NFIC: variants seen among roughly 807,000 people sequenced by gnomAD.
NFIC encodes the protein nuclear factor 1 C-type.
A neutral mutation model predicts 54.4 loss-of-function variants in NFIC; 12 were observed. The ratio of observed to expected loss-of-function variants is 0.22; its 90% CI spans 0.14 to 0.36. The LOEUF is 0.36. Among genes scored for constraint, NFIC ranks in the 10% least tolerant of loss-of-function variants. NFIC has a pLI of 1.00. For synonymous variants in NFIC, 322 were observed against 319.2 expected (o/e 1.01, Z -0.09); for missense variants, 575 against 718.2 (o/e 0.80, Z 2.28).
intron 1 of NFIC, among the ~76,000 whole-genome samples, chr19:3,371,904 C>CT (rs2081019196): frequency 1.5e-5 from 1 of 67,852 alleles, no homozygotes; most frequent in African/African-American, 3.8e-5. Flanking sequence ...TCCTTCCTTC[C>CT]TTCCTTCCTT....
rs1210794688 is a variant in NFIC, at chr19:3,466,914, G to A, written c.*4145G>A. On this transcript the variant is annotated 3_prime_UTR_variant, in exon 11 of 11. Transcript: ENST00000443272. This position sits in a 1 kb window ranked among gnomAD's most constrained non-coding sequence, Gnocchi z 4.8. ...CAGGCAGCATGTTGTGGATGGTTTA[G>A]TTCTCCCCGCCTCCCTGTTTCTTGG... 1.3e-5 allele frequency: 2 copies of A among 152,224 alleles called. No individual in the cohort carries two copies. The highest frequency in any genetic ancestry group is 3.9e-4 in the East Asian group (2 of 5,158). The allele number at this position is 152,224 out of a possible 1,614,324, so 9.4% of individuals were successfully genotyped here.
intron 2 of NFIC, among the ~76,000 whole-genome samples, chr19:3,406,147 C>G (rs1599629514): frequency 6.6e-6 from 1 of 152,220 alleles, no homozygotes; most frequent in East Asian, 1.9e-4. Context: ...GGCTGGAGTG[C>G]AATGGCACGA....
rs2082683793 is a variant in NFIC at position 3,464,176 on chromosome 19, C to T, written c.*1407C>T. On this transcript the variant is annotated 3_prime_UTR_variant, in exon 11 of 11. Transcript: ENST00000443272. ...CCGCCGTTTGCACTTTCATCGCCTACCCCGACGCGGGGCCCAGCTGCGGGA... is the reference window on the plus strand; with the variant it reads ...CCGCCGTTTGCACTTTCATCGCCTATCCCGACGCGGGGCCCAGCTGCGGGA... 4 of 985,300 alleles carry T rather than the reference C, an allele frequency of 4.1e-6. No individual in the cohort carries two copies. The South Asian group carries it at 1.9e-4, about 46-fold the overall frequency. The allele number at this position is 985,300 out of a possible 1,614,324, so 61.0% of individuals were successfully genotyped here. A position where few individuals can be genotyped will look rare whatever the true frequency, so the allele number is the denominator to read the frequency against.
At chr19:3,392,260 G>A (rs748176002) in intron 2 of NFIC, among the ~76,000 whole-genome samples, 2 of 151,842 alleles carry the variant, frequency 1.3e-5, no homozygotes, top group Non-Finnish European at 2.9e-5. Context: ...TTAGTAGAGC[G>A]GGGGTTTCAC....
chr19:3,394,238 G>C (rs536886684), intron 2 of NFIC, among the ~76,000 whole-genome samples: 1 of 152,170 alleles, frequency 6.6e-6, no homozygotes, highest in South Asian at 2.1e-4. Flanking sequence ...CAGCCCTTTG[G>C]GAGGCTGAGG....
chr19:3,378,261 CAAA>C (rs77487928), intron 1 of NFIC, among the ~76,000 whole-genome samples: 4 of 51,666 alleles, frequency 7.7e-5, no homozygotes, highest in Admixed American at 4.3e-4. Flanking sequence ...AACTCTGTCT[CAAA>C]AAAAAAAAAA....
At chr19:3,418,393 C>T (rs1035607694) in intron 2 of NFIC, among the ~76,000 whole-genome samples, 2 of 152,086 alleles carry the variant, frequency 1.3e-5, no homozygotes, top group African/African-American at 2.4e-5. Context: ...CACCACGCCC[C>T]GCCTAATTTT....
At chr19:3,391,421 C>A (rs370436920) in intron 2 of NFIC, among the ~76,000 whole-genome samples, 6 of 152,118 alleles carry the variant, frequency 3.9e-5, no homozygotes, top group East Asian at 1.9e-4. Context: ...GAGGCTGAGG[C>A]GGGAAGATGA....
chr19:3,364,359 C>A (rs1031426532), upstream of NFIC, among the ~76,000 whole-genome samples: 9 of 152,146 alleles, frequency 5.9e-5, no homozygotes, highest in Non-Finnish European at 1.3e-4. Context: ...GCTGGCGTCG[C>A]CCCATTTCAC....
At chr19:3,434,906 A>G in intron 5 of NFIC, 177 bp from the exon 6 acceptor site, 1 of 774,348 alleles carries the variant, frequency 1.3e-6, no homozygotes, top group Non-Finnish European at 2.0e-6. Flanking sequence ...AGCAATGGAC[A>G]GGTTGGAACA....
intron 5 of NFIC, 40 bp from the exon 6 acceptor site, chr19:3,435,043 C>T: frequency 6.5e-7 from 1 of 1,531,754 alleles, no homozygotes. Flanking sequence ...CGCCCCGCGT[C>T]TCCCTGGTAA....
upstream of NFIC, among the ~76,000 whole-genome samples, chr19:3,361,838 A>G (rs1333000886): frequency 6.6e-6 from 1 of 151,572 alleles, no homozygotes; most frequent in Non-Finnish European, 1.5e-5. Context: ...ACGTGCATGC[A>G]GTCATAGTTA....
At position 3,366,684 on chromosome 19, in the gene NFIC, C is replaced by A; in HGVS notation, c.30+18C>A. 1 of 1,391,706 alleles carries A rather than the reference C, an allele frequency of 7.2e-7. No homozygotes were observed. The highest frequency in any genetic ancestry group is 9.4e-7 in the Non-Finnish European group (1 of 1,067,924). 86.2% of individuals were successfully genotyped at this position (1,391,706 alleles called of 1,614,324 possible). A position where few individuals can be genotyped will look rare whatever the true frequency, so the allele number is the denominator to read the frequency against. On this transcript the variant is annotated intron_variant, in intron 1 of 10. Transcript: ENST00000443272. ...TCACCCAGGTACGGTCCTCGCCCGGCCCCCCGCCGGCGCCCCCGCGCCCCC... is the reference window on the plus strand; with the variant it reads ...TCACCCAGGTACGGTCCTCGCCCGGACCCCCGCCGGCGCCCCCGCGCCCCC...
rs2080985932 is a variant in NFIC, at chr19:3,370,614, T to C, written c.30+3948T>C. Among the ~76,000 whole-genome samples, 1 of 149,222 alleles carries C rather than the reference T, an allele frequency of 6.7e-6. No individual in the cohort carries two copies. Among genetic ancestry groups the C allele is most frequent in the Non-Finnish European group, 1.5e-5 (1 of 67,306 alleles). On this transcript the variant is annotated intron_variant, in intron 1 of 10. Coordinates refer to ENST00000443272, the MANE Select transcript of NFIC (RefSeq NM_001245002.2). This position sits in a 1 kb window ranked among gnomAD's most constrained non-coding sequence, Gnocchi z 5.2. ...CTTTCTCTCTCTCTCCCCGTCTCCC[T>C]TCTCTCCCTCTCTCCTTCTCTCTTC...
At chr19:3,366,449 C>T (rs1016888835), upstream of NFIC, 10 of 497,024 alleles carry the variant, frequency 2.0e-5, no homozygotes, top group African/African-American at 1.1e-4. Flanking sequence ...GAGAGCGAGG[C>T]GGGCGGCGCG....
chr19:3,391,165 G>A (rs562680266), intron 2 of NFIC, among the ~76,000 whole-genome samples: 15 of 151,554 alleles, frequency 9.9e-5, no homozygotes, highest in African/African-American at 3.1e-4. Context: ...CAGGAGGATC[G>A]CTTGAGCCCA....
chr19:3,441,568 C>T (rs1461829757), intron 6 of NFIC, among the ~76,000 whole-genome samples: 1 of 152,276 alleles, frequency 6.6e-6, no homozygotes, highest in Non-Finnish European at 1.5e-5. Context: ...CGCCTCAGAA[C>T]AGGCCTGGCC....
intron 3 of NFIC, among the ~76,000 whole-genome samples, chr19:3,432,727 T>G (rs2082140051): frequency 6.8e-6 from 1 of 146,780 alleles, no homozygotes; most frequent in Non-Finnish European, 1.5e-5. Context: ...CTGGATGGAG[T>G]GCAGTGGCGC....
chr19:3,432,030 C>T (rs2082128056), intron 3 of NFIC, among the ~76,000 whole-genome samples: 1 of 152,162 alleles, frequency 6.6e-6, no homozygotes, highest in Non-Finnish European at 1.5e-5. Context: ...GTATCATCTC[C>T]TGCTGTGCCG....
Sources: gnomAD v4.1 joint callset for allele counts (sites outside exome capture counted in the v4.1 genomes callset) on GRCh38, gnomAD v4.1.1 for gene constraint, Gnocchi (gnomAD v3.1) non-coding constraint, MANE v1.5 for transcripts, NCBI Gene and HGNC (gene_info 2026-07-23, HGNC 2026-07-21) for gene names.